The following PTPRT variants were observed in gnomAD, a reference collection of about 807,000 sequenced individuals.
The protein encoded by PTPRT is protein tyrosine phosphatase receptor type T, also known as receptor-type tyrosine-protein phosphatase T.
PTPRT carries 56 observed loss-of-function variants against 176.8 expected under a neutral mutation model. That is an observed-to-expected ratio of 0.32 (90% CI 0.26 to 0.40). PTPRT has a LOEUF of 0.40. Ranked by LOEUF, PTPRT falls within the 10% of genes least tolerant of loss-of-function variation. The probability of loss-of-function intolerance (pLI) is 1.00; values close to 1 mark genes in which losing one functional copy is unlikely to be tolerated. For missense variants in PTPRT, 1,540 were observed against 1,908.2 expected, an observed-to-expected ratio of 0.81 and a Z score of 3.60; for synonymous variants, 783 against 739.0, an observed-to-expected ratio of 1.06 and a Z score of -0.96.
At chr20:42,259,477 A>G (rs1299523250) in intron 13 of PTPRT, among the ~76,000 whole-genome samples, 1 of 152,186 alleles carries the variant, frequency 6.6e-6, no homozygotes, top group Non-Finnish European at 1.5e-5. Context: ...TATACCTCCC[A>G]ATGACCTCAA....
At chr20:42,805,072 T>C (rs992970916) in intron 2 of PTPRT, among the ~76,000 whole-genome samples, 1 of 152,078 alleles carries the variant, frequency 6.6e-6, no homozygotes, top group Non-Finnish European at 1.5e-5. Flanking sequence ...AAGGCAGTCC[T>C]AGGAGGGTTT....
chr20:42,148,018 G>A (rs1988948882), intron 17 of PTPRT, among the ~76,000 whole-genome samples: 1 of 152,136 alleles, frequency 6.6e-6, no homozygotes, highest in Non-Finnish European at 1.5e-5. Flanking sequence ...GCAAGCTAAG[G>A]GCATTATTTT....
At chr20:43,169,608 T>C (rs942749251) in intron 1 of PTPRT, among the ~76,000 whole-genome samples, 2 of 152,234 alleles carry the variant, frequency 1.3e-5, no homozygotes, top group Non-Finnish European at 2.9e-5. Flanking sequence ...CTGTCAACTC[T>C]CTGCACAATT....
At chr20:42,066,767 TC>T in the PTPRT span, among the ~76,000 whole-genome samples, 2 of 152,216 alleles carry the variant, frequency 1.3e-5, no homozygotes, top group Non-Finnish European at 2.9e-5. Context: ...GTTGATGATA[TC>T]CTTTTATAAT....
At chr20:42,216,483 C>T (rs1456074254) in intron 15 of PTPRT, among the ~76,000 whole-genome samples, 8 of 152,180 alleles carry the variant, frequency 5.3e-5, no homozygotes, top group Non-Finnish European at 7.3e-5. Context: ...CTGATCTCTT[C>T]GTGATAGGGT....
chr20:42,928,714 T>C (rs1325086460), intron 1 of PTPRT, among the ~76,000 whole-genome samples: 1 of 152,162 alleles, frequency 6.6e-6, no homozygotes, highest in Non-Finnish European at 1.5e-5. Context: ...ATAACTCCTA[T>C]GTTCCAGGTA....
At chr20:43,128,818 T>A (rs570293227) in intron 1 of PTPRT, among the ~76,000 whole-genome samples, 3 of 152,210 alleles carry the variant, frequency 2.0e-5, no homozygotes, top group African/African-American at 7.2e-5. Flanking sequence ...AGTTAGGAGG[T>A]CATCTGTATC....
chr20:42,870,081 A>G (rs1240078300), intron 2 of PTPRT, among the ~76,000 whole-genome samples: 1 of 152,190 alleles, frequency 6.6e-6, no homozygotes, highest in African/African-American at 2.4e-5. Flanking sequence ...ACAGATTTCT[A>G]TTATTCATAA....
intron 2 of PTPRT, among the ~76,000 whole-genome samples, chr20:42,849,735 C>G (rs530407068): frequency 6.6e-6 from 1 of 152,330 alleles, no homozygotes; most frequent in African/African-American, 2.4e-5. Flanking sequence ...CTCACACGAT[C>G]ACTCTAGGGA....
intron 6 of PTPRT, among the ~76,000 whole-genome samples, chr20:42,743,725 A>G (rs2076647175): frequency 6.6e-6 from 1 of 152,326 alleles, no homozygotes; most frequent in East Asian, 1.9e-4. Flanking sequence ...TGCAAGGGGC[A>G]TGGGTGAAGT....
rs966549013 is a variant in PTPRT, at chr20:42,161,541, T to C, written c.2493A>G (p.Thr831=). 1 of 1,602,920 alleles carries C rather than the reference T, an allele frequency of 6.2e-7. No homozygotes were observed. Among genetic ancestry groups the C allele is most frequent in the Non-Finnish European group, 8.5e-7 (1 of 1,174,816 alleles). The change falls in exon 17 of 31, where the codon ACA becomes ACG. Residue 831 remains threonine (T), a splice_region_variant and synonymous_variant. Transcript: ENST00000373187. ...SSSSQDVNGF[T]DGSRGELSQP... is the part of the protein sequence containing the mutation. ...GGGAAAGCTCCCCGCGGCTGCCATC[T>C]GCTTCGAAAAGAAGGAGGCAGAACA...
intron 11 of PTPRT, among the ~76,000 whole-genome samples, chr20:42,335,291 G>A (rs372612750): frequency 5.3e-5 from 8 of 152,258 alleles, no homozygotes; most frequent in African/African-American, 1.9e-4. Flanking sequence ...GATAGGAAGA[G>A]GATTTCATTT....
chr20:42,952,982 C>T (rs206655), intron 1 of PTPRT, among the ~76,000 whole-genome samples: 2,337 of 152,260 alleles, frequency 0.015, 62 homozygotes, highest in African/African-American at 0.053. Flanking sequence ...CAGATCTGAA[C>T]GCAGCAAAGC....
chr20:42,216,150 A>T (rs1215155232), intron 15 of PTPRT, among the ~76,000 whole-genome samples: 1 of 152,058 alleles, frequency 6.6e-6, no homozygotes, highest in East Asian at 1.9e-4. Context: ...TCAGATCTCA[A>T]ACCAGGACTC....
At chr20:43,097,299 C>T (rs1400253299) in intron 1 of PTPRT, among the ~76,000 whole-genome samples, 1 of 152,044 alleles carries the variant, frequency 6.6e-6, no homozygotes, top group Non-Finnish European at 1.5e-5. Context: ...ACCTCCCTAA[C>T]CCTCTTTTTC....
chr20:42,776,238 C>T (rs2145483129), intron 4 of PTPRT, among the ~76,000 whole-genome samples: 1 of 152,028 alleles, frequency 6.6e-6, no homozygotes, highest in East Asian at 1.9e-4. Flanking sequence ...CTTCATTGTC[C>T]TGCTCATAAT....
At chr20:42,406,645 T>C (rs1276945707) in intron 9 of PTPRT, among the ~76,000 whole-genome samples, 1 of 152,110 alleles carries the variant, frequency 6.6e-6, no homozygotes, top group East Asian at 1.9e-4. Context: ...ATTCATTTTA[T>C]ATATCCAACA....
At chr20:42,919,038 C>T (rs898237179) in intron 1 of PTPRT, among the ~76,000 whole-genome samples, 1 of 152,180 alleles carries the variant, frequency 6.6e-6, no homozygotes, top group Non-Finnish European at 1.5e-5. Flanking sequence ...GGACTAAGGG[C>T]CAACACCAGG....
Position 43,189,667 on chromosome 20 carries a change from C to T in PTPRT, c.67G>A (p.Ala23Thr), listed in dbSNP as rs1338054687. 1 of 1,316,014 alleles carries T rather than the reference C, an allele frequency of 7.6e-7. No individual in the cohort carries two copies. The highest frequency in any genetic ancestry group is 2.1e-5 in the South Asian group (1 of 48,756). 81.5% of individuals were successfully genotyped at this position (1,316,014 alleles called of 1,614,324 possible). A position where few individuals can be genotyped will look rare whatever the true frequency, so the allele number is the denominator to read the frequency against. Residue 23 changes from alanine to threonine, a missense_variant, in exon 1 of 31, where the codon GCC (alanine) becomes ACC (threonine). Ala to Thr is a moderately conservative substitution (Grantham distance 58). This residue lies in a region of PTPRT where 116 missense variants were observed against 118.5 expected (regional missense o/e 0.98). Transcript: ENST00000373187. This position sits in a 1 kb window ranked among gnomAD's most constrained non-coding sequence, Gnocchi z 5.0. Reference sequence around the variant, plus strand: ...TCACCTGCGGCGCTCTGAGCCCGGGCGCCGGGCAGTGGCGGCAGCTGCAGC... The same window carrying T: ...TCACCTGCGGCGCTCTGAGCCCGGGTGCCGGGCAGTGGCGGCAGCTGCAGC... ...LRLQLPPLPG[A>T]RAQSAAGGCS...
Sources: gnomAD v4.1 joint callset for allele counts (sites outside exome capture counted in the v4.1 genomes callset) on GRCh38, gnomAD v4.1.1 for gene constraint, gnomAD v4.1.1 regional missense constraint, Gnocchi (gnomAD v3.1) non-coding constraint, MANE v1.5 for transcripts, NCBI Gene and HGNC (gene_info 2026-07-23, HGNC 2026-07-21) for gene names.